The following TPO variants were observed in gnomAD, a reference collection of about 807,000 sequenced individuals.
The protein encoded by TPO is thyroid peroxidase.
Under a neutral mutation model 96.9 loss-of-function variants are expected in TPO, and 78 were observed. That is an observed-to-expected ratio of 0.81 (90% CI 0.67 to 0.97). The LOEUF (loss-of-function observed/expected upper bound fraction) is 0.97, where lower values mean the gene tolerates loss of function less well. Ranked by LOEUF, TPO falls within the 50% of genes least tolerant of loss-of-function variation. The pLI, the probability that TPO is intolerant of heterozygous loss-of-function variation, is 0.00. For missense variants in TPO, 1,252 were observed against 1,274.8 expected (o/e 0.98, Z 0.27); for synonymous variants, 547 against 538.0 (o/e 1.02, Z -0.23).
At chr2:1,399,689 T>C (rs1452406464) in intron 1 of TPO, among the ~76,000 whole-genome samples, 1 of 152,202 alleles carries the variant, frequency 6.6e-6, no homozygotes, top group East Asian at 1.9e-4. Flanking sequence ...AGATCTCCAG[T>C]GCCTCGGGAG....
intron 14 of TPO, among the ~76,000 whole-genome samples, chr2:1,510,010 C>T (rs1031148670): frequency 7.9e-5 from 12 of 152,288 alleles, no homozygotes; most frequent in African/African-American, 2.4e-4. Context: ...TTCAGGTGTC[C>T]TCTCTCTGCA....
Position 1,477,356 on chromosome 2 carries a change from C to T in TPO, c.1090C>T (p.Leu364=). ...CCTCCGGGACTCCGGCCGCGCCTAC[C>T]TGCCCTTCGTGCCGCCACGCGCGCC... ...ARLRDSGRAY[L]PFVPPRAPAA... is the part of the protein sequence containing the mutation. Residue 364 remains leucine, a synonymous_variant, in exon 8 of 17, where the codon CTG becomes TTG. Coordinates refer to ENST00000329066, the MANE Select transcript of TPO (RefSeq NM_001206744.2). 6 of 1,543,862 alleles carry T rather than the reference C, an allele frequency of 3.9e-6. No individual in the cohort carries two copies. Among genetic ancestry groups the T allele is most frequent in the Non-Finnish European group, 5.3e-6 (6 of 1,142,418 alleles).
At chr2:1,541,692 G>C (rs562057972) in intron 16 of TPO, 2 of 152,346 alleles carry the variant, frequency 1.3e-5, no homozygotes, top group South Asian at 4.2e-4. Flanking sequence ...GATGTGAGGT[G>C]ATATGTTAAT....
At chr2:1,436,093 A>T (rs562109047) in intron 4 of TPO, among the ~76,000 whole-genome samples, 159 bp from the exon 5 acceptor site, 1 of 152,316 alleles carries the variant, frequency 6.6e-6, no homozygotes, top group African/African-American at 2.4e-5. Flanking sequence ...TGAGCACTTG[A>T]TGTAAAGGGA....
rs1168569002 is a variant in TPO, at chr2:1,505,652, C to T, written c.2518+1573C>T. Among the ~76,000 whole-genome samples the T allele has an allele frequency of 2.0e-5, 3 of 151,896 alleles. 1 individual carries two copies. The highest frequency in any genetic ancestry group is 6.6e-5 in the Admixed American group (1 of 15,238). Reference sequence around the variant, plus strand: ...AAAAAGTGATAAATGATGTGAAGAACATGCAGGTTTGTTACATAGGTATAC... The same window carrying T: ...AAAAAGTGATAAATGATGTGAAGAATATGCAGGTTTGTTACATAGGTATAC... On this transcript the variant is annotated intron_variant, in intron 14 of 16. Transcript: ENST00000329066.
At chr2:1,395,635 A>C (rs1226922061) in intron 1 of TPO, among the ~76,000 whole-genome samples, 2 of 152,148 alleles carry the variant, frequency 1.3e-5, no homozygotes, top group East Asian at 1.9e-4. Flanking sequence ...CCCACATTTC[A>C]TCTTGAATTG....
intron 11 of TPO, among the ~76,000 whole-genome samples, chr2:1,494,552 A>C (rs1672139157): frequency 6.6e-6 from 1 of 152,110 alleles, no homozygotes; most frequent in Admixed American, 6.5e-5. Flanking sequence ...TGCCTCATGC[A>C]TGTCTGCTCC....
chr2:1,498,092 C>T (rs1363804125), intron 13 of TPO, among the ~76,000 whole-genome samples: 1 of 151,184 alleles, frequency 6.6e-6, no homozygotes, highest in African/African-American at 2.4e-5. Context: ...TTAAAAATGG[C>T]AGAGGTGGTA....
chr2:1,387,214 A>G (rs1487362188), intron 1 of TPO, among the ~76,000 whole-genome samples: 2 of 152,056 alleles, frequency 1.3e-5, no homozygotes, highest in African/African-American at 2.4e-5. Flanking sequence ...CTCGAGGAGT[A>G]TCTTTGTGGT....
Position 1,404,687 on chromosome 2 carries a change from C to A in TPO, n.180+30285C>A, listed in dbSNP as rs183133073. The stretch of plus-strand genomic sequence containing the variant: ...ACTCTTGGATGTTTGGTCTCCAGAA[C>A]TGTGAAGAAACAAATGTCCGTGGTT... On this transcript the variant is annotated intron_variant and non_coding_transcript_variant, in intron 1 of 5. Coordinates refer to the TPO transcript ENST00000497517. Among the ~76,000 whole-genome samples the A allele has an allele frequency of 6.6e-5, 10 of 152,290 alleles. No homozygotes were observed. The East Asian group carries it at 1.7e-3, about 27-fold the overall frequency.
chr2:1,479,161 C>T (rs149168685), intron 8 of TPO, among the ~76,000 whole-genome samples: 9 of 152,344 alleles, frequency 5.9e-5, no homozygotes, highest in South Asian at 4.1e-4. Context: ...TCCAGGTCCT[C>T]GTCTCCATGA....
At chr2:1,436,480 C>A (rs1665585548) in intron 5 of TPO, 96 bp downstream of exon 5, 3 of 1,544,748 alleles carry the variant, frequency 1.9e-6, no homozygotes, top group South Asian at 2.3e-5. Flanking sequence ...ACTGGTGGAT[C>A]TGTATCCACC....
intron 13 of TPO, among the ~76,000 whole-genome samples, chr2:1,501,491 G>C (rs562363535): frequency 5.9e-5 from 9 of 152,374 alleles, no homozygotes; most frequent in Admixed American, 5.9e-4. Flanking sequence ...CTGCTTAGAA[G>C]AAACTGACCG....
chr2:1,498,733 T>C (rs1025254965), intron 13 of TPO, among the ~76,000 whole-genome samples: 2 of 152,198 alleles, frequency 1.3e-5, no homozygotes, highest in African/African-American at 4.8e-5. Context: ...TGTCGGGTGA[T>C]GACATCTGTG....
chr2:1,474,120 A>G (rs1669687895), intron 7 of TPO, among the ~76,000 whole-genome samples: 1 of 152,178 alleles, frequency 6.6e-6, no homozygotes, highest in African/African-American at 2.4e-5. Flanking sequence ...TCACTGCTCG[A>G]GATAATATTT....
chr2:1,480,889 C>T (rs892248076), intron 8 of TPO, among the ~76,000 whole-genome samples: 2 of 95,212 alleles, frequency 2.1e-5, no homozygotes, highest in African/African-American at 6.8e-5. Flanking sequence ...ACAGCCGCCC[C>T]CACTCTGAGG....
chr2:1,398,946 G>A (rs1438436844), intron 1 of TPO, among the ~76,000 whole-genome samples: 7 of 152,226 alleles, frequency 4.6e-5, no homozygotes. Context: ...CCAGGCCCAG[G>A]AGGCTGGGCT....
chr2:1,443,387 T>C (rs1449548901), intron 5 of TPO, among the ~76,000 whole-genome samples: 2 of 148,878 alleles, frequency 1.3e-5, no homozygotes, highest in Admixed American at 6.7e-5. Flanking sequence ...TTCTTGTTTG[T>C]ATGATCCAGT....
In TPO at chr2:1,518,588, C is replaced by T. The variant is rs28913027; in HGVS notation, c.2618+1606C>T. Among the ~76,000 whole-genome samples, 18 of 152,200 alleles carry T rather than the reference C, an allele frequency of 1.2e-4. No homozygotes were observed. In the East Asian group the frequency reaches 2.1e-3, roughly 18 times the overall value. Reference sequence around the variant, plus strand: ...TTGACCCAGATGCCTGCATTTGATGCATGAGCTTATGATCTATCCGGCATA... The same window carrying T: ...TTGACCCAGATGCCTGCATTTGATGTATGAGCTTATGATCTATCCGGCATA... On this transcript the variant is annotated intron_variant, in intron 15 of 16. Coordinates refer to ENST00000329066, the MANE Select transcript of TPO (RefSeq NM_001206744.2).
Sources: allele counts gnomAD v4.1 joint callset (sites outside exome capture counted in the v4.1 genomes callset), GRCh38; gene constraint gnomAD v4.1.1; transcripts MANE v1.5; gene names NCBI Gene and HGNC (gene_info 2026-07-23, HGNC 2026-07-21).